CALM2: variants seen among roughly 807,000 people sequenced by gnomAD.
CALM2 encodes the protein calmodulin 2.
CALM2 carries 2 observed loss-of-function variants against 19.8 expected under a neutral mutation model. That is an observed-to-expected ratio of 0.10 (90% CI 0.04 to 0.32). The LOEUF (loss-of-function observed/expected upper bound fraction) is 0.32, where lower values mean the gene tolerates loss of function less well. Ranked by LOEUF, CALM2 falls within the 10% of genes least tolerant of loss-of-function variation. The pLI, the probability that CALM2 is intolerant of heterozygous loss-of-function variation, is 1.00. For missense variants in CALM2, 38 were observed against 178.7 expected (o/e 0.21, Z 4.49); for synonymous variants, 51 against 52.1 (o/e 0.98, Z 0.09).
chr2:47,165,384 T>C (rs146367749), intron 2 of CALM2, among the ~76,000 whole-genome samples: 167 of 152,326 alleles, frequency 1.1e-3, no homozygotes, highest in African/African-American at 3.8e-3. Context: ...CAGTATACCA[T>C]GCCCACAAGG....
chr2:47,162,168 CATCAAA>C, intron 4 of CALM2, 112 bp downstream of exon 4: 2 of 158,838 alleles, frequency 1.3e-5, no homozygotes, highest in Non-Finnish European at 1.0e-5. Context: ...GTTGGTAAAT[CATCAAA>C]AAAAAAAAAA....
chr2:47,175,081 G>GTTTTTTTTTTTTTTTTT (rs563702873), intron 1 of CALM2, among the ~76,000 whole-genome samples: 4 of 77,942 alleles, frequency 5.1e-5, no homozygotes, highest in African/African-American at 2.8e-4. Context: ...CTCATTAGGT[G>GTTTTTTTTTTTTTTTTT]TTTTTTTTTT....
At chr2:47,163,770 ACCT>A (rs1330845845) in intron 2 of CALM2, 1 of 151,996 alleles carries the variant, frequency 6.6e-6, no homozygotes, top group Non-Finnish European at 1.5e-5. Context: ...TTACATGGAA[ACCT>A]CCTGCTGGTG....
Position 47,168,531 on chromosome 2 carries a change from G to A in CALM2, c.34+2203C>T, listed in dbSNP as rs905979032. Among the ~76,000 whole-genome samples the A allele has an allele frequency of 2.6e-5, 4 of 151,922 alleles. No individual in the cohort carries two copies. In the East Asian group the frequency reaches 5.8e-4, roughly 22 times the overall value. On this transcript the variant is annotated intron_variant, in intron 2 of 5. Coordinates refer to ENST00000272298, the MANE Select transcript of CALM2 (RefSeq NM_001743.6). Reference sequence around the variant, plus strand: ...AGGCGGGTGGATCACCTGAGGTTGCGAGTTTGAGACCAGCCTGACCAACAT... The same window carrying A: ...AGGCGGGTGGATCACCTGAGGTTGCAAGTTTGAGACCAGCCTGACCAACAT...
intron 2 of CALM2, chr2:47,163,823 A>C (rs1171867274): frequency 3.3e-5 from 5 of 152,384 alleles, no homozygotes; most frequent in Non-Finnish European, 4.4e-5. Context: ...CCATTTACAG[A>C]TAAACTAAAA....
rs191659349 is a variant in CALM2 at position 47,169,217 on chromosome 2, T to C, written c.34+1517A>G. On this transcript the variant is annotated intron_variant, in intron 2 of 5. Transcript: ENST00000272298. The stretch of plus-strand genomic sequence containing the variant: ...GTACCTGACTGGGAATATTAAGAAA[T>C]GTATTACAGAAGGTCAGAGTTTAAG... 1.6e-3 allele frequency among the ~76,000 whole-genome samples: 244 copies of C among 152,272 alleles called. 3 individuals carry two copies. The highest frequency in any genetic ancestry group is 4.7e-3 in the African/African-American group (197 of 41,550).
intron 2 of CALM2, among the ~76,000 whole-genome samples, chr2:47,168,804 G>GTC (rs1461006748): frequency 2.7e-5 from 4 of 150,016 alleles, no homozygotes; most frequent in African/African-American, 9.8e-5. Flanking sequence ...TTGAGGCAAA[G>GTC]TCTCGCTCTG....
intron 1 of CALM2, chr2:47,172,812 G>GC (rs1666718518): frequency 1.2e-4 from 1 of 8,322 alleles, no homozygotes; most frequent in Admixed American, 1.7e-3. Flanking sequence ...TGGGTTGGGG[G>GC]GGGGGGGGGG....
intron 1 of CALM2, 42 bp downstream of exon 1, chr2:47,176,399 C>T (rs748417637): frequency 1.2e-6 from 2 of 1,609,292 alleles, no homozygotes; most frequent in East Asian, 2.2e-5. Context: ...CCAGTCTCTT[C>T]CCCCCACAGG....
intron 1 of CALM2, among the ~76,000 whole-genome samples, chr2:47,175,185 C>G (rs1666813209): frequency 6.7e-6 from 1 of 149,516 alleles, no homozygotes; most frequent in South Asian, 2.1e-4. Context: ...ACTCTTCCAT[C>G]ACAGTATTTG....
At position 47,160,626 on chromosome 2, in the gene CALM2, G is replaced by A. The variant is rs879472016; in HGVS notation, c.*150C>T. On this transcript the variant is annotated 3_prime_UTR_variant, in exon 6 of 6. Coordinates refer to ENST00000272298, the MANE Select transcript of CALM2 (RefSeq NM_001743.6). ...TTTAGGACAATGACAGTAAGATAAG[G>A]GAAGAAAACATGGAGGAATGAAGTC... 1.2e-5 allele frequency: 6 copies of A among 516,996 alleles called. No individual in the cohort carries two copies. The highest frequency in any genetic ancestry group is 5.2e-4 in the Middle Eastern group (1 of 1,914). The allele number at this position is 516,996 out of a possible 1,614,324, so 32.0% of individuals were successfully genotyped here.
At chr2:47,167,913 T>G (rs1163644148) in intron 2 of CALM2, among the ~76,000 whole-genome samples, 2 of 149,248 alleles carry the variant, frequency 1.3e-5, no homozygotes, top group Non-Finnish European at 3.0e-5. Flanking sequence ...GGATTAGACA[T>G]GCGCCACCAT....
In CALM2 at chr2:47,169,517, A is replaced by C. The variant is rs551274008; in HGVS notation, c.34+1217T>G. Among the ~76,000 whole-genome samples the C allele has an allele frequency of 1.1e-3, 174 of 152,316 alleles. 1 individual carries two copies. Among genetic ancestry groups the C allele is most frequent in the Middle Eastern group, 3.4e-3 (1 of 294 alleles). ...CCTTTAAAACAGTGTAACTCAACAA[A>C]AAAAAAATTATTCCCAAAACTGTTT... On this transcript the variant is annotated intron_variant, in intron 2 of 5. Coordinates refer to ENST00000272298, the MANE Select transcript of CALM2 (RefSeq NM_001743.6).
intron 1 of CALM2, chr2:47,172,826 GGAAAT>G (rs1666721365): frequency 3.0e-5 from 1 of 33,486 alleles, no homozygotes; most frequent in African/African-American, 1.3e-4. Flanking sequence ...GGGGGGGGTG[GGAAAT>G]GGGACTTTGG....
At chr2:47,162,881 T>C (rs1687198941) in intron 2 of CALM2, 1 of 467,614 alleles carries the variant, frequency 2.1e-6, no homozygotes, top group African/African-American at 2.0e-5. Flanking sequence ...AAATGTGACT[T>C]TGACTCCTAA....
chr2:47,176,482 A>G lies in CALM2; in HGVS notation c.-39T>C, dbSNP rs1401561882. ...CCGGTTTCCGAGACGCGACCACACA[A>G]CCACTCAGCTCGCTCTCTCCACTCG... On this transcript the variant is annotated 5_prime_UTR_variant, in exon 1 of 6. Transcript: ENST00000272298. 6.2e-7 allele frequency: 1 copy of G among 1,613,286 alleles called. No individual in the cohort carries two copies. Among genetic ancestry groups the G allele is most frequent in the Non-Finnish European group, 8.5e-7 (1 of 1,179,812 alleles).
At chr2:47,176,304 T>C in intron 1 of CALM2, 137 bp downstream of exon 1, 2 of 1,054,406 alleles carry the variant, frequency 1.9e-6, no homozygotes, top group East Asian at 2.6e-5. Context: ...CCGGCATCCC[T>C]GGCCTCTTTC....
At chr2:47,174,140 T>C (rs1666767942) in intron 1 of CALM2, 1 of 152,234 alleles carries the variant, frequency 6.6e-6, no homozygotes, top group South Asian at 2.1e-4. Flanking sequence ...AAAGTCCTCT[T>C]GAAGCAATCC....
At chr2:47,168,111 A>T (rs186557397) in intron 2 of CALM2, among the ~76,000 whole-genome samples, 10 of 152,256 alleles carry the variant, frequency 6.6e-5, no homozygotes, top group Admixed American at 5.2e-4. Context: ...AGGAATATTC[A>T]ATGATTACTA....
Sources: allele counts gnomAD v4.1 joint callset (sites outside exome capture counted in the v4.1 genomes callset), GRCh38; gene constraint gnomAD v4.1.1; transcripts MANE v1.5; gene names NCBI Gene and HGNC (gene_info 2026-07-23, HGNC 2026-07-21).